Variants in BMERB1 observed in about 807,000 individuals in gnomAD.
BMERB1 encodes bMERB domain-containing protein 1.
In BMERB1, 12 loss-of-function variants were observed where a neutral mutation model predicts 23.6. The observed-to-expected ratio is 0.51, with a 90% CI of 0.33 to 0.82. The LOEUF is 0.82. Among genes scored for constraint, BMERB1 ranks in the 40% least tolerant of loss-of-function variants. The probability of loss-of-function intolerance (pLI) is 0.03; values close to 1 mark genes in which losing one functional copy is unlikely to be tolerated. For missense variants in BMERB1, 247 were observed against 255.4 expected, an observed-to-expected ratio of 0.97 and a Z score of 0.22; for synonymous variants, 122 against 96.6, an observed-to-expected ratio of 1.26 and a Z score of -1.54.
chr16:15,560,297 G>A (rs924449126), intron 2 of BMERB1, among the ~76,000 whole-genome samples: 2 of 152,196 alleles, frequency 1.3e-5, no homozygotes, highest in Non-Finnish European at 2.9e-5. Flanking sequence ...GGCCCCCAGG[G>A]CATGCCCGCC....
chr16:15,566,715 A>G (rs1469392887), intron 2 of BMERB1, among the ~76,000 whole-genome samples: 4 of 152,158 alleles, frequency 2.6e-5, no homozygotes, highest in African/African-American at 4.8e-5. Context: ...ATGACTGTAT[A>G]TCAATATAAT....
At chr16:15,448,384 T>A (rs941229251) in intron 1 of BMERB1, among the ~76,000 whole-genome samples, 2 of 152,170 alleles carry the variant, frequency 1.3e-5, no homozygotes, top group Non-Finnish European at 2.9e-5. Flanking sequence ...TCAGAAATCT[T>A]GAAGGGAGAA....
chr16:15,569,907 T>G (rs561378792), intron 3 of BMERB1, among the ~76,000 whole-genome samples: 1 of 152,294 alleles, frequency 6.6e-6, no homozygotes, highest in African/African-American at 2.4e-5. Flanking sequence ...GGGCCTTTTA[T>G]TAGCTTTACA....
intron 2 of BMERB1, among the ~76,000 whole-genome samples, chr16:15,526,897 T>G (rs903261469): frequency 6.9e-6 from 1 of 144,604 alleles, no homozygotes; most frequent in East Asian, 1.9e-4. Context: ...AAAAATAATA[T>G]AATAATAATT....
At chr16:15,437,578 C>T (rs1450814780) in intron 1 of BMERB1, among the ~76,000 whole-genome samples, 1 of 152,088 alleles carries the variant, frequency 6.6e-6, no homozygotes, top group Admixed American at 6.6e-5. Flanking sequence ...TTGAAACATG[C>T]AGGAAAATTG....
At position 15,470,718 on chromosome 16, in the gene BMERB1, G is replaced by T. The variant is rs542285217; in HGVS notation, c.106+35959G>T. The stretch of plus-strand genomic sequence containing the variant: ...TTTTTTGTATTTTAGTAGAGACGGG[G>T]TTTCACCATGTTGGCCAAGATGATC... On this transcript the variant is annotated intron_variant, in intron 1 of 5. Coordinates refer to ENST00000300006, the MANE Select transcript of BMERB1 (RefSeq NM_033201.3). Among the ~76,000 whole-genome samples, 227 of 150,916 alleles carry T rather than the reference G, an allele frequency of 1.5e-3. 1 individual carries two copies. The highest frequency in any genetic ancestry group is 2.8e-3 in the Non-Finnish European group (188 of 67,826).
rs926571688 is a variant in BMERB1, at chr16:15,488,294, C to G, written c.107-27011C>G. Among the ~76,000 whole-genome samples, 4 of 152,130 alleles carry G rather than the reference C, an allele frequency of 2.6e-5. No homozygotes were observed. The East Asian group carries it at 7.7e-4, about 29-fold the overall frequency. On this transcript the variant is annotated intron_variant, in intron 1 of 5. Transcript: ENST00000300006. ...TTGATTCCACGCTGACCCCTTGCCC[C>G]CCGTCCAAATATTCACAAATGTAAA...
intron 1 of BMERB1, among the ~76,000 whole-genome samples, chr16:15,492,152 A>G (rs2051427085): frequency 6.6e-6 from 1 of 152,188 alleles, no homozygotes; most frequent in Non-Finnish European, 1.5e-5. Context: ...GTGCCTATGA[A>G]AAGTATCCCA....
At chr16:15,524,120 A>G (rs550601431) in intron 2 of BMERB1, among the ~76,000 whole-genome samples, 2 of 152,204 alleles carry the variant, frequency 1.3e-5, no homozygotes, top group Non-Finnish European at 2.9e-5. Context: ...CGTTTATGTA[A>G]CTTGACACAT....
At chr16:15,441,527 A>G (rs985621806) in intron 1 of BMERB1, among the ~76,000 whole-genome samples, 3 of 152,040 alleles carry the variant, frequency 2.0e-5, no homozygotes. Context: ...ACAGGTGCCC[A>G]CCACCATGCC....
chr16:15,571,923 T>C (rs1806922154), intron 3 of BMERB1, among the ~76,000 whole-genome samples: 1 of 152,168 alleles, frequency 6.6e-6, no homozygotes, highest in Non-Finnish European at 1.5e-5. Flanking sequence ...TCCTGCCCTC[T>C]CTTTCCCCTT....
Position 15,549,756 on chromosome 16 carries a change from C to T in BMERB1, c.231-18227C>T, listed in dbSNP as rs191923966. Among the ~76,000 whole-genome samples the T allele has an allele frequency of 4.7e-3, 713 of 151,882 alleles. 3 individuals carry two copies. The highest frequency in any genetic ancestry group is 0.012 in the Admixed American group (187 of 15,258). ...CACATGAAACAATCAGGGGACTTAC[C>T]TTAGAGCTGCCTTCGCAGTAGGGAG... On this transcript the variant is annotated intron_variant, in intron 2 of 5. Transcript: ENST00000300006.
intron 1 of BMERB1, among the ~76,000 whole-genome samples, 158 bp from the exon 2 acceptor site, chr16:15,515,147 G>A (rs2051731303): frequency 6.6e-6 from 1 of 152,196 alleles, no homozygotes; most frequent in African/African-American, 2.4e-5. Context: ...GGTTCCCAAA[G>A]GGTGTGCTCA....
chr16:15,444,496 G>T (rs1359239704), intron 1 of BMERB1, among the ~76,000 whole-genome samples: 1 of 152,050 alleles, frequency 6.6e-6, no homozygotes, highest in Non-Finnish European at 1.5e-5. Flanking sequence ...TGTAAAATGG[G>T]TATAGTGATT....
chr16:15,488,091 A>G (rs922845743), intron 1 of BMERB1, among the ~76,000 whole-genome samples: 6 of 152,080 alleles, frequency 3.9e-5, no homozygotes, highest in Admixed American at 6.5e-5. Context: ...CCCAGCCCCT[A>G]TTCAAGATGG....
chr16:15,586,537 AC>A (rs1321536268), intron 5 of BMERB1, among the ~76,000 whole-genome samples, 179 bp from the exon 6 acceptor site: 1 of 151,136 alleles, frequency 6.6e-6, no homozygotes, highest in Admixed American at 6.7e-5. Context: ...TAAAATGAGG[AC>A]CAGCTGAGGA....
intron 2 of BMERB1, among the ~76,000 whole-genome samples, chr16:15,554,500 A>ATT (rs1224019609): frequency 6.6e-6 from 1 of 151,882 alleles, no homozygotes; most frequent in African/African-American, 2.4e-5. Context: ...TATTTGTATA[A>ATT]TTTTTTAAAT....
intron 3 of BMERB1, among the ~76,000 whole-genome samples, chr16:15,570,810 C>T (rs1322217206): frequency 2.6e-5 from 4 of 151,904 alleles, no homozygotes; most frequent in Non-Finnish European, 5.9e-5. Flanking sequence ...GTGGGCAATT[C>T]CCACAACTGA....
chr16:15,451,989 C>T (rs1279206705), intron 1 of BMERB1, among the ~76,000 whole-genome samples: 2 of 151,110 alleles, frequency 1.3e-5, no homozygotes, highest in African/African-American at 4.9e-5. Context: ...GAATTTAAAA[C>T]AAAAAATAGC....
Sources: allele counts gnomAD v4.1 joint callset (sites outside exome capture counted in the v4.1 genomes callset), GRCh38; gene constraint gnomAD v4.1.1; transcripts MANE v1.5; gene names NCBI Gene and HGNC (gene_info 2026-07-23, HGNC 2026-07-21).